MEF2B: variants seen among roughly 807,000 people sequenced by gnomAD.
The protein encoded by MEF2B is myocyte-specific enhancer factor 2B.
MEF2B carries 15 observed loss-of-function variants against 32.2 expected under a neutral mutation model. The observed-to-expected ratio is 0.47, with a 90% confidence interval of 0.31 to 0.72. The LOEUF is 0.72. MEF2B is among the 30% of genes least tolerant of loss of function. MEF2B has a pLI of 0.05. For missense variants in MEF2B, 441 were observed against 511.5 expected (o/e 0.86, Z 1.33); for synonymous variants, 205 against 225.6 (o/e 0.91, Z 0.82).
intron 1 of MEF2B, among the ~76,000 whole-genome samples, chr19:19,160,918 G>A (rs1313733205): frequency 6.6e-6 from 1 of 152,072 alleles, no homozygotes; most frequent in Non-Finnish European, 1.5e-5. Context: ...TAGGGAGGTG[G>A]TACCCAGGTG....
At chr19:19,146,133 G>A in intron 8 of MEF2B, 111 bp from the exon 9 acceptor site, 3 of 1,018,942 alleles carry the variant, frequency 2.9e-6, no homozygotes, top group Non-Finnish European at 4.1e-6. Flanking sequence ...GGAAAGGAGG[G>A]GGTGGCGGTC....
intron 1 of MEF2B, among the ~76,000 whole-genome samples, chr19:19,158,861 G>C (rs147481534): frequency 6.6e-6 from 1 of 152,036 alleles, no homozygotes; most frequent in Non-Finnish European, 1.5e-5. Flanking sequence ...ACTTGAGCAG[G>C]GGGAGGCAGA....
At position 19,146,031 on chromosome 19, in the gene MEF2B, G is replaced by C; in HGVS notation, c.882-9C>G. ...CCAGGCTTCGGCCCCCACTGCAGGGGGAAAGAGAGAGGGAGGCCGTGAGCT... is the reference window on the plus strand; with the variant it reads ...CCAGGCTTCGGCCCCCACTGCAGGGCGAAAGAGAGAGGGAGGCCGTGAGCT... On this transcript the variant is annotated splice_polypyrimidine_tract_variant and intron_variant, in intron 8 of 8. Transcript: ENST00000424583. The C allele has an allele frequency of 7.0e-7, 1 of 1,425,154 alleles. No individual in the cohort carries two copies. Among genetic ancestry groups the C allele is most frequent in the Non-Finnish European group, 9.2e-7 (1 of 1,089,650 alleles). The allele number at this position is 1,425,154 out of a possible 1,614,324, so 88.3% of individuals were successfully genotyped here. A position where few individuals can be genotyped will look rare whatever the true frequency, so the allele number is the denominator to read the frequency against.
At position 19,146,254 on chromosome 19, in the gene MEF2B, G is replaced by A. The variant is rs2146349412; in HGVS notation, c.881+19C>T. ...GGGCTTTGGAGGACTGGGACTTGCC[G>A]TCGTCTCAGGGCACTTACCTGGGCT... On this transcript the variant is annotated intron_variant, in intron 8 of 8. Transcript: ENST00000424583. 5 of 1,141,880 alleles carry A rather than the reference G, an allele frequency of 4.4e-6. No individual in the cohort carries two copies. The highest frequency in any genetic ancestry group is 2.1e-5 in the South Asian group (1 of 47,470). 70.7% of individuals were successfully genotyped at this position (1,141,880 alleles called of 1,614,324 possible).
chr19:19,169,649 C>T (rs948379708), intron 1 of MEF2B, among the ~76,000 whole-genome samples: 9 of 152,160 alleles, frequency 5.9e-5, no homozygotes, highest in Non-Finnish European at 1.3e-4. Context: ...TTGTCATGTG[C>T]TAACAACCAC....
Position 19,146,254 on chromosome 19 carries a change from G to T in MEF2B, c.881+19C>A. 8.8e-7 allele frequency: 1 copy of T among 1,141,880 alleles called. No individual in the cohort carries two copies. 70.7% of individuals were successfully genotyped at this position (1,141,880 alleles called of 1,614,324 possible). A position where few individuals can be genotyped will look rare whatever the true frequency, so the allele number is the denominator to read the frequency against. On this transcript the variant is annotated intron_variant, in intron 8 of 8. Transcript: ENST00000424583. ...GGGCTTTGGAGGACTGGGACTTGCC[G>T]TCGTCTCAGGGCACTTACCTGGGCT...
chr19:19,146,452 C>T (rs1471532933), intron 7 of MEF2B, 68 bp from the exon 8 acceptor site: 2 of 1,292,580 alleles, frequency 1.5e-6, no homozygotes, highest in African/African-American at 1.5e-5. Context: ...CTAACCACCC[C>T]CAGTGACAGT....
rs779592456 is a variant in MEF2B, at chr19:19,149,333, C to T, written c.151G>A (p.Ala51Thr). 1.7e-5 allele frequency: 27 copies of T among 1,613,760 alleles called. No homozygotes were observed. The South Asian group carries it at 1.9e-4, about 11-fold the overall frequency. Reference sequence around the variant, plus strand: ...CTGGCATACTGGAAGAGGCGGTTGGCGCTGTTGAAGATGATGAGGGCTATC... The same window carrying T: ...CTGGCATACTGGAAGAGGCGGTTGGTGCTGTTGAAGATGATGAGGGCTATC... Reference protein sequence around the residue: ...CEIALIIFNSANRLFQYASTD... With the variant: ...CEIALIIFNSTNRLFQYASTD... Residue 51 changes from alanine to threonine, a missense_variant, in exon 3 of 9, where the codon GCC becomes ACC. Around this residue, in one of 2 missense-constraint regions of MEF2B, gnomAD observed 115 missense variants for 183.1 expected, o/e 0.63. Coordinates refer to ENST00000424583, the MANE Select transcript of MEF2B (RefSeq NM_001145785.2).
At chr19:19,167,294 T>G (rs1384640932) in intron 1 of MEF2B, among the ~76,000 whole-genome samples, 1 of 143,394 alleles carries the variant, frequency 7.0e-6, no homozygotes, top group East Asian at 2.0e-4. Context: ...GAGGTTGCAG[T>G]GAGCCGAGAT....
intron 1 of MEF2B, among the ~76,000 whole-genome samples, chr19:19,156,183 TGAC>T (rs2060119095): frequency 6.6e-6 from 1 of 152,162 alleles, no homozygotes; most frequent in South Asian, 2.1e-4. Flanking sequence ...TGAGCCAAGC[TGAC>T]CTCAGAAGAA....
chr19:19,169,387 A>T (rs1309755048), intron 1 of MEF2B, among the ~76,000 whole-genome samples: 5 of 151,972 alleles, frequency 3.3e-5, no homozygotes, highest in Non-Finnish European at 7.4e-5. Flanking sequence ...AAAGAAAAAG[A>T]AAATGGGGGT....
intron 1 of MEF2B, among the ~76,000 whole-genome samples, chr19:19,167,527 CAAAGAAAG>C (rs375730323): frequency 2.0e-5 from 3 of 151,272 alleles, no homozygotes; most frequent in African/African-American, 7.3e-5. Flanking sequence ...GTCTCAAAAA[CAAAGAAAG>C]AAAGAAAGAA....
chr19:19,159,940 G>A (rs1486116662), intron 1 of MEF2B, among the ~76,000 whole-genome samples: 1 of 151,518 alleles, frequency 6.6e-6, no homozygotes, highest in Non-Finnish European at 1.5e-5. Context: ...CAGCTGGGAA[G>A]AGGGTAGGGA....
intron 5 of MEF2B, 80 bp from the exon 6 acceptor site, chr19:19,146,955 C>A (rs955240544): frequency 6.4e-7 from 1 of 1,566,996 alleles, no homozygotes; most frequent in Non-Finnish European, 8.7e-7. Flanking sequence ...AGGTGATGCA[C>A]GCAGCCTGGC....
intron 3 of MEF2B, among the ~76,000 whole-genome samples, chr19:19,149,006 C>T (rs2060051217): frequency 6.6e-6 from 1 of 151,860 alleles, no homozygotes; most frequent in Non-Finnish European, 1.5e-5. Flanking sequence ...GCCACCGTGC[C>T]CTGCCCGATG....
chr19:19,169,064 T>C (rs2060232489), intron 1 of MEF2B, among the ~76,000 whole-genome samples: 1 of 151,144 alleles, frequency 6.6e-6, no homozygotes, highest in African/African-American at 2.4e-5. Flanking sequence ...AAAAAATTTT[T>C]TTTTAAAGCC....
At chr19:19,152,520 A>G (rs1373141655) in intron 1 of MEF2B, among the ~76,000 whole-genome samples, 3 of 152,282 alleles carry the variant, frequency 2.0e-5, no homozygotes, top group East Asian at 1.9e-4. Context: ...CCTGGCCAAC[A>G]TGGCAAAACC....
At chr19:19,153,441 TTTTAA>T (rs1374048465) in intron 1 of MEF2B, among the ~76,000 whole-genome samples, 3 of 152,092 alleles carry the variant, frequency 2.0e-5, no homozygotes, top group South Asian at 2.1e-4. Context: ...GGTTTCCTTC[TTTTAA>T]TTTAATTTAT....
intron 1 of MEF2B, among the ~76,000 whole-genome samples, chr19:19,151,163 T>C (rs2060077275): frequency 1.3e-5 from 2 of 152,098 alleles, no homozygotes; most frequent in African/African-American, 4.8e-5. Context: ...TGAAGTAGGA[T>C]GATCACTTGA....
Sources: allele counts gnomAD v4.1 joint callset (sites outside exome capture counted in the v4.1 genomes callset), GRCh38; gene constraint gnomAD v4.1.1; regional missense constraint gnomAD v4.1.1; transcripts MANE v1.5; gene names NCBI Gene and HGNC (gene_info 2026-07-23, HGNC 2026-07-21).